Variants in HMCN2 observed in about 807,000 individuals in gnomAD.
HMCN2 encodes the protein hemicentin 2.
A neutral mutation model predicts 377.5 loss-of-function variants in HMCN2; 325 were observed. The ratio of observed to expected loss-of-function variants is 0.86; its 90% CI spans 0.79 to 0.94. The LOEUF (loss-of-function observed/expected upper bound fraction) is 0.94, where lower values mean the gene tolerates loss of function less well. Among genes scored for constraint, HMCN2 ranks in the 40% least tolerant of loss-of-function variants. HMCN2 has a pLI of 0.00. For synonymous variants in HMCN2, 2,007 were observed against 2,046.8 expected, an observed-to-expected ratio of 0.98 and a Z score of 0.53; for missense variants, 4,543 against 4,725.3, an observed-to-expected ratio of 0.96 and a Z score of 1.13.
rs1260037192 is a variant in HMCN2 at position 130,368,394 on chromosome 9, C to T, written c.6744C>T (p.Asn2248=). ...QEGTYTCECS[N]VVGNSSQDLQ... is the part of the protein sequence containing the mutation. Reference sequence around the variant, plus strand: ...GAACATACACCTGTGAATGCAGCAACGTGGTGGGGAACAGCAGCCAGGACC... The same window carrying T: ...GAACATACACCTGTGAATGCAGCAATGTGGTGGGGAACAGCAGCCAGGACC... The change falls in exon 44 of 98, where the codon AAC becomes AAT. Residue 2248 remains asparagine, a synonymous_variant. Transcript: ENST00000683500. 6 of 985,932 alleles carry T rather than the reference C, an allele frequency of 6.1e-6. No homozygotes were observed. The highest frequency in any genetic ancestry group is 1.1e-4 in the East Asian group (1 of 8,822). The allele number at this position is 985,932 out of a possible 1,614,324, so 61.1% of individuals were successfully genotyped here.
At chr9:130,333,931 G>A (rs999039350) in intron 22 of HMCN2, among the ~76,000 whole-genome samples, 19 of 152,194 alleles carry the variant, frequency 1.2e-4, no homozygotes, top group Admixed American at 9.2e-4. Flanking sequence ...ATGTCCCCTT[G>A]GAGCCACAGG....
chr9:130,392,823 C>A (rs12554565), intron 66 of HMCN2, among the ~76,000 whole-genome samples: 1 of 151,576 alleles, frequency 6.6e-6, no homozygotes. Flanking sequence ...GGTGAAACCC[C>A]GTCTCTACTA....
At chr9:130,384,579 G>A in intron 58 of HMCN2, 45 bp downstream of exon 58, 1 of 1,303,802 alleles carries the variant, frequency 7.7e-7, no homozygotes, top group Non-Finnish European at 1.0e-6. Flanking sequence ...GTTACATGGG[G>A]AGAGAGTTGC....
rs144011958 is a variant in HMCN2 at position 130,358,492 on chromosome 9, G to A, written c.5677+6G>A. On this transcript the variant is annotated splice_donor_region_variant and intron_variant, in intron 36 of 97. Coordinates refer to ENST00000683500, the MANE Select transcript of HMCN2 (RefSeq NM_001291815.2). ...AGTGGCGCTGAAAGTTTTGGGTGAG[G>A]ACGTGGGTAACCAGCAGGGCCCAGG... is the stretch of plus-strand genomic sequence containing the variant. 239 of 1,304,396 alleles carry A rather than the reference G, an allele frequency of 1.8e-4. 1 individual carries two copies. In the Middle Eastern group the frequency reaches 3.2e-3, roughly 17 times the overall value. 80.8% of individuals were successfully genotyped at this position (1,304,396 alleles called of 1,614,324 possible). A position where few individuals can be genotyped will look rare whatever the true frequency, so the allele number is the denominator to read the frequency against.
intron 6 of HMCN2, 110 bp downstream of exon 6, chr9:130,295,882 G>C (rs1836118110): frequency 2.4e-6 from 1 of 409,484 alleles, no homozygotes; most frequent in Admixed American, 2.8e-5. Flanking sequence ...GATGGCTAGA[G>C]TGTGGGTGGT....
At chr9:130,344,239 A>G (rs1839218166) in intron 25 of HMCN2, among the ~76,000 whole-genome samples, 1 of 151,768 alleles carries the variant, frequency 6.6e-6, no homozygotes, top group Non-Finnish European at 1.5e-5. Flanking sequence ...GGAAGATGAG[A>G]GGGGGGTGTG....
rs992271213 is a variant in HMCN2, at chr9:130,301,992, T to C, written c.1277-865T>C. On this transcript the variant is annotated intron_variant, in intron 8 of 97. Coordinates refer to ENST00000683500, the MANE Select transcript of HMCN2 (RefSeq NM_001291815.2). ...AGCTATGAGATTTTACTGAAGTCTC[T>C]GGTTTTATCTCAAAAATGTGTGTGA... Among the ~76,000 whole-genome samples, 5 of 152,134 alleles carry C rather than the reference T, an allele frequency of 3.3e-5. No individual in the cohort carries two copies. In the East Asian group the frequency reaches 7.7e-4, roughly 23 times the overall value.
chr9:130,415,540 A>G (rs540631123), intron 85 of HMCN2, among the ~76,000 whole-genome samples: 7 of 152,212 alleles, frequency 4.6e-5, no homozygotes, highest in South Asian at 2.1e-4. Context: ...GGGTCTTGCT[A>G]TGTTGCCCAG....
At chr9:130,373,225 C>T (rs762591553) in intron 48 of HMCN2, 101 bp downstream of exon 48, 106 of 238,542 alleles carry the variant, frequency 4.4e-4, no homozygotes, top group Admixed American at 2.2e-3. Flanking sequence ...CAGCCCCACT[C>T]CTCCTGACTG....
At chr9:130,377,913 A>G in intron 53 of HMCN2, 114 bp downstream of exon 53, 1 of 806,136 alleles carries the variant, frequency 1.2e-6, no homozygotes, top group Non-Finnish European at 1.5e-6. Context: ...CACCCGTGGC[A>G]TCTCCCACTG....
At chr9:130,419,869 G>A (rs36093576) in intron 86 of HMCN2, among the ~76,000 whole-genome samples, 4,878 of 152,156 alleles carry the variant, frequency 0.032, 185 homozygotes, top group African/African-American at 0.09. Context: ...GGAAATCCAC[G>A]TGAAACCCAC....
chr9:130,368,739 A>G (rs1035279517), intron 44 of HMCN2, among the ~76,000 whole-genome samples: 1 of 151,412 alleles, frequency 6.6e-6, no homozygotes, highest in Admixed American at 6.6e-5. Context: ...TGTCGGCAGG[A>G]GAGAGAGAGA....
At chr9:130,386,595 C>G (rs542607355) in intron 61 of HMCN2, 71 bp downstream of exon 61, 2 of 1,032,392 alleles carry the variant, frequency 1.9e-6, no homozygotes, top group South Asian at 1.4e-5. Context: ...CCAAGGAGGA[C>G]AAAGACAATA....
chr9:130,279,778 G>A (rs1224758765), intron 1 of HMCN2, among the ~76,000 whole-genome samples: 1 of 152,230 alleles, frequency 6.6e-6, no homozygotes, highest in Non-Finnish European at 1.5e-5. Context: ...AGATGTGCCT[G>A]TCCTAATGCA....
At chr9:130,278,642 G>T (rs1834931222) in intron 1 of HMCN2, among the ~76,000 whole-genome samples, 1 of 151,828 alleles carries the variant, frequency 6.6e-6, no homozygotes, top group Non-Finnish European at 1.5e-5. Context: ...GAGTACAATG[G>T]CACGATCTCG....
intron 91 of HMCN2, 55 bp from the exon 92 acceptor site, chr9:130,427,442 G>A (rs1051275905): frequency 1.5e-5 from 23 of 1,550,222 alleles, no homozygotes; most frequent in Non-Finnish European, 8.7e-7. Context: ...GCTTCTCCCA[G>A]CCAGCTGGCA....
At chr9:130,321,366 C>T (rs1000932681) in intron 18 of HMCN2, among the ~76,000 whole-genome samples, 1 of 152,216 alleles carries the variant, frequency 6.6e-6, no homozygotes, top group Admixed American at 6.5e-5. Flanking sequence ...CTTCTGTTTG[C>T]CCTCTCCTAT....
chr9:130,416,447 G>A (rs111270907), intron 85 of HMCN2, among the ~76,000 whole-genome samples: 11 of 151,584 alleles, frequency 7.3e-5, no homozygotes, highest in African/African-American at 1.5e-4. Flanking sequence ...GTGCTCTTGC[G>A]TAGACTCTTC....
In HMCN2 at chr9:130,286,187, G is replaced by A. The variant is rs782248093; in HGVS notation, c.490-1G>A. On this transcript the variant is annotated splice_acceptor_variant, in intron 3 of 97. Transcript: ENST00000683500. LOFTEE classifies it high-confidence loss of function. ...GAGCAGGCTGCACGTCCATCTTCCAGGTGGTCTTTGTGCTGACGGGGGACT... is the reference window on the plus strand; with the variant it reads ...GAGCAGGCTGCACGTCCATCTTCCAAGTGGTCTTTGTGCTGACGGGGGACT... The A allele has an allele frequency of 1.1e-5, 5 of 470,832 alleles. No homozygotes were observed. Among genetic ancestry groups the A allele is most frequent in the Non-Finnish European group, 2.2e-5 (5 of 227,010 alleles). The allele number at this position is 470,832 out of a possible 1,614,324, so 29.2% of individuals were successfully genotyped here.
Sources: allele counts gnomAD v4.1 joint callset (sites outside exome capture counted in the v4.1 genomes callset), GRCh38; gene constraint gnomAD v4.1.1; transcripts MANE v1.5; gene names NCBI Gene and HGNC (gene_info 2026-07-23, HGNC 2026-07-21).